Variants in ZFAT observed in about 807,000 individuals in gnomAD.
The protein encoded by ZFAT is zinc finger and AT-hook domain containing.
A neutral mutation model predicts 117.7 loss-of-function variants in ZFAT; 64 were observed. The observed-to-expected ratio is 0.54, with a 90% CI of 0.44 to 0.67. ZFAT has a LOEUF of 0.67. ZFAT is among the 30% of genes least tolerant of loss of function. ZFAT has a pLI of 0.00. For missense variants in ZFAT, 1,433 were observed against 1,584.5 expected, an observed-to-expected ratio of 0.90 and a Z score of 1.62; for synonymous variants, 679 against 615.0, an observed-to-expected ratio of 1.10 and a Z score of -1.54.
At chr8:134,681,620 A>G (rs1833073582) in intron 1 of ZFAT, among the ~76,000 whole-genome samples, 1 of 152,214 alleles carries the variant, frequency 6.6e-6, no homozygotes, top group South Asian at 2.1e-4. Context: ...ATTAGTATAA[A>G]TCATCCTCCC....
intron 15 of ZFAT, among the ~76,000 whole-genome samples, chr8:134,494,738 A>C (rs1487771261): frequency 6.6e-6 from 1 of 152,242 alleles, no homozygotes; most frequent in Admixed American, 6.5e-5. Context: ...TTTTGTTTAA[A>C]ATATGTTTAT....
chr8:134,755,542 T>C, the ZFAT span, among the ~76,000 whole-genome samples: 1 of 151,776 alleles, frequency 6.6e-6, no homozygotes, highest in Non-Finnish European at 1.5e-5. Context: ...CCTGGTGCGG[T>C]GGCTCATGCC....
intron 7 of ZFAT, among the ~76,000 whole-genome samples, chr8:134,592,878 G>A (rs560495218): frequency 6.6e-6 from 1 of 152,210 alleles, no homozygotes; most frequent in African/African-American, 2.4e-5. Context: ...CAACCAAATG[G>A]TTTCGATGCA....
the ZFAT span, among the ~76,000 whole-genome samples, chr8:134,808,047 G>T: frequency 6.6e-6 from 1 of 152,104 alleles, no homozygotes; most frequent in Non-Finnish European, 1.5e-5. Flanking sequence ...TACTTTTAAG[G>T]GTAGTAGCAG....
chr8:134,792,554 A>G, the ZFAT span: 1 of 152,214 alleles, frequency 6.6e-6, no homozygotes, highest in Non-Finnish European at 1.5e-5. Context: ...AACTGTATCT[A>G]TGTGATTTTT....
chr8:134,608,920 G>A (rs556270006), intron 4 of ZFAT, 41 bp from the exon 5 acceptor site: 24 of 1,584,684 alleles, frequency 1.5e-5, no homozygotes, highest in Admixed American at 5.6e-5. Context: ...GAGAGGCATC[G>A]AAAGTGGGCA....
chr8:134,763,759 GTCAGGTATTAT>G, the ZFAT span, among the ~76,000 whole-genome samples: 1 of 152,192 alleles, frequency 6.6e-6, no homozygotes, highest in African/African-American at 2.4e-5. Context: ...AACTATCCGA[GTCAGGTATTAT>G]TCCTATTGGG....
chr8:134,489,037 A>G (rs1817861029), intron 15 of ZFAT, among the ~76,000 whole-genome samples: 1 of 151,642 alleles, frequency 6.6e-6, no homozygotes, highest in Non-Finnish European at 1.5e-5. Context: ...AAGAGGAAAA[A>G]AAAAAAAAGA....
At chr8:134,540,273 G>A (rs1281933067) in intron 11 of ZFAT, among the ~76,000 whole-genome samples, 1 of 152,196 alleles carries the variant, frequency 6.6e-6, no homozygotes, top group Non-Finnish European at 1.5e-5. Context: ...TCAGGGGAGT[G>A]TGGAGTCTGG....
chr8:134,656,418 T>C (rs1369648440), intron 2 of ZFAT, among the ~76,000 whole-genome samples: 2 of 152,214 alleles, frequency 1.3e-5, no homozygotes, highest in Non-Finnish European at 2.9e-5. Flanking sequence ...TACTAACTGC[T>C]GCTCCTTATT....
At chr8:134,615,297 G>A (rs775672954) in intron 3 of ZFAT, among the ~76,000 whole-genome samples, 2 of 152,004 alleles carry the variant, frequency 1.3e-5, no homozygotes, top group Non-Finnish European at 2.9e-5. Flanking sequence ...AGTGATTCTC[G>A]TGCCTCAGCC....
chr8:134,661,961 C>T (rs954476683), intron 1 of ZFAT, among the ~76,000 whole-genome samples: 6 of 152,188 alleles, frequency 3.9e-5, no homozygotes, highest in Non-Finnish European at 5.9e-5. Flanking sequence ...TGTCAAGAAG[C>T]CAAATCCTTC....
chr8:134,818,681 C>T, the ZFAT span, among the ~76,000 whole-genome samples: 1 of 152,170 alleles, frequency 6.6e-6, no homozygotes, highest in East Asian at 1.9e-4. Flanking sequence ...AAGTCAAACA[C>T]TGGAATCAAC....
intron 1 of ZFAT, among the ~76,000 whole-genome samples, chr8:134,665,672 T>C (rs1397612138): frequency 1.3e-5 from 2 of 151,800 alleles, no homozygotes; most frequent in Non-Finnish European, 2.9e-5. Flanking sequence ...GCATTCCCTC[T>C]GAGAGTCAGC....
chr8:134,669,997 G>A (rs184305222), intron 1 of ZFAT, among the ~76,000 whole-genome samples: 9 of 152,160 alleles, frequency 5.9e-5, no homozygotes, highest in African/African-American at 2.2e-4. Context: ...GATCAAAAGA[G>A]ACAAAGAAGG....
intron 3 of ZFAT, among the ~76,000 whole-genome samples, chr8:134,623,079 C>T (rs1829245443): frequency 6.6e-6 from 1 of 152,178 alleles, no homozygotes; most frequent in Admixed American, 6.5e-5. Flanking sequence ...TTAGTCATCT[C>T]TGGATGACTC....
At chr8:134,619,552 C>G (rs1474670244) in intron 3 of ZFAT, among the ~76,000 whole-genome samples, 1 of 152,122 alleles carries the variant, frequency 6.6e-6, no homozygotes, top group Non-Finnish European at 1.5e-5. Flanking sequence ...GTTTGTCTCC[C>G]CTAGATGGAT....
intron 12 of ZFAT, 38 bp from the exon 13 acceptor site, chr8:134,521,039 C>A: frequency 2.0e-6 from 3 of 1,499,118 alleles, no homozygotes; most frequent in South Asian, 2.3e-5. Context: ...AAAATGTGTT[C>A]GTAATACAGA....
In ZFAT at chr8:134,637,540, C is replaced by A. The variant is rs2131103016; in HGVS notation, c.369G>T (p.Arg123=). ...PSSLECSKCC[R]KFSNTRQLRK... ...GCAGCTGGCGCGTGTTGGAGAACTT[C>A]CGACAGCACTTGCTACACTCCAAGC... is the stretch of plus-strand genomic sequence containing the variant. The change falls in exon 3 of 16, where the codon CGG becomes CGT. Residue 123 remains arginine (R), a synonymous_variant. Coordinates refer to ENST00000377838, the MANE Select transcript of ZFAT (RefSeq NM_020863.4). 1.2e-6 allele frequency: 2 copies of A among 1,614,240 alleles called. No homozygotes were observed. Among genetic ancestry groups the A allele is most frequent in the Admixed American group, 3.3e-5 (2 of 60,030 alleles).
Sources: gnomAD v4.1 joint callset for allele counts (sites outside exome capture counted in the v4.1 genomes callset) on GRCh38, gnomAD v4.1.1 for gene constraint, MANE v1.5 for transcripts, NCBI Gene and HGNC (gene_info 2026-07-23, HGNC 2026-07-21) for gene names.